ZEB1: variants seen among roughly 807,000 people sequenced by gnomAD.
ZEB1 encodes the protein zinc finger E-box-binding homeobox 1.
In ZEB1, 21 loss-of-function variants were observed where a neutral mutation model predicts 84.9. The ratio of observed to expected loss-of-function variants is 0.25; its 90% CI spans 0.18 to 0.36. The LOEUF (loss-of-function observed/expected upper bound fraction) is 0.36. ZEB1 is among the 10% of genes least tolerant of loss of function. The probability of loss-of-function intolerance (pLI) is 1.00; values close to 1 mark genes in which losing one functional copy is unlikely to be tolerated. For missense variants in ZEB1, 1,104 were observed against 1,330.2 expected (o/e 0.83, Z 2.65); for synonymous variants, 420 against 471.1 (o/e 0.89, Z 1.41).
At chr10:31,344,786 T>G (rs1433459379) in intron 1 of ZEB1, among the ~76,000 whole-genome samples, 5 of 152,146 alleles carry the variant, frequency 3.3e-5, no homozygotes, top group Admixed American at 3.3e-4. Context: ...ACATTTTAAC[T>G]TGTTCTGGGT....
chr10:31,433,244 C>T (rs908617398), intron 1 of ZEB1, among the ~76,000 whole-genome samples: 5 of 152,196 alleles, frequency 3.3e-5, no homozygotes, highest in African/African-American at 1.2e-4. Context: ...AATGTTGACA[C>T]ATTCCATTTT....
chr10:31,439,333 G>T (rs2058640879), intron 1 of ZEB1, among the ~76,000 whole-genome samples: 1 of 152,056 alleles, frequency 6.6e-6, no homozygotes, highest in Non-Finnish European at 1.5e-5. Context: ...GTGTTAATTT[G>T]CACGGTGCCA....
chr10:31,476,520 G>T (rs77274492), intron 2 of ZEB1, among the ~76,000 whole-genome samples: 2,296 of 152,038 alleles, frequency 0.015, 44 homozygotes, highest in African/African-American at 0.052. Flanking sequence ...TTACAGGACA[G>T]TTTTGCCTTA....
chr10:31,400,029 G>C (rs2051634130), intron 1 of ZEB1, among the ~76,000 whole-genome samples: 1 of 152,098 alleles, frequency 6.6e-6, no homozygotes, highest in Admixed American at 6.5e-5. Flanking sequence ...GCTTTCTTTA[G>C]CCACTTGATC....
At chr10:31,327,173 C>G (rs549576867) in intron 1 of ZEB1, among the ~76,000 whole-genome samples, 1 of 141,320 alleles carries the variant, frequency 7.1e-6, no homozygotes, top group Non-Finnish European at 1.5e-5. Context: ...TGTAAAGGCG[C>G]GATATCAGCT....
intron 1 of ZEB1, among the ~76,000 whole-genome samples, chr10:31,449,966 A>G (rs1007906547): frequency 6.6e-6 from 1 of 152,228 alleles, no homozygotes; most frequent in African/African-American, 2.4e-5. Context: ...AATATATAAC[A>G]TGCTCAAGGT....
At chr10:31,341,071 A>C (rs1383025807) in intron 1 of ZEB1, among the ~76,000 whole-genome samples, 1 of 152,130 alleles carries the variant, frequency 6.6e-6, no homozygotes, top group African/African-American at 2.4e-5. Context: ...TAGGAGCTTG[A>C]ACTTCATCTT....
In ZEB1 at chr10:31,323,668, A is replaced by G. The variant is rs148187581; in HGVS notation, c.58+4376A>G. 5.6e-3 allele frequency among the ~76,000 whole-genome samples: 847 copies of G among 152,198 alleles called. 13 individuals carry two copies. Among genetic ancestry groups the G allele is most frequent in the African/African-American group, 0.02 (812 of 41,542 alleles). The stretch of plus-strand genomic sequence containing the variant: ...GTTGCTGTATGCTTGTATTTAAATA[A>G]TTCCTTTCAAGAAACTATATAAATT... On this transcript the variant is annotated intron_variant, in intron 1 of 8. Transcript: ENST00000424869.
At chr10:31,327,261 C>G (rs1222159954) in intron 1 of ZEB1, among the ~76,000 whole-genome samples, 1 of 151,890 alleles carries the variant, frequency 6.6e-6, no homozygotes, top group Non-Finnish European at 1.5e-5. Flanking sequence ...CAGGCACACA[C>G]CGCCATGCCT....
chr10:31,385,262 T>A (rs937951285), intron 1 of ZEB1, among the ~76,000 whole-genome samples: 2 of 152,196 alleles, frequency 1.3e-5, no homozygotes, highest in Non-Finnish European at 2.9e-5. Flanking sequence ...GTTTTGACCA[T>A]ACAGCAAATG....
intron 1 of ZEB1, among the ~76,000 whole-genome samples, chr10:31,342,054 T>A (rs1056128790): frequency 2.6e-5 from 4 of 152,202 alleles, no homozygotes; most frequent in African/African-American, 9.6e-5. Context: ...ATTCTTTACG[T>A]ATATTAACTC....
chr10:31,349,609 C>T (rs1057416384), intron 1 of ZEB1, among the ~76,000 whole-genome samples: 2 of 152,130 alleles, frequency 1.3e-5, no homozygotes, highest in Non-Finnish European at 2.9e-5. Context: ...TGATAATCAC[C>T]ATTCTAACAG....
intron 1 of ZEB1, among the ~76,000 whole-genome samples, chr10:31,349,610 A>G (rs1188082833): frequency 2.0e-5 from 3 of 152,084 alleles, no homozygotes; most frequent in Non-Finnish European, 4.4e-5. Flanking sequence ...GATAATCACC[A>G]TTCTAACAGG....
intron 2 of ZEB1, among the ~76,000 whole-genome samples, chr10:31,484,608 G>T (rs774894703): frequency 3.3e-5 from 5 of 151,968 alleles, no homozygotes; most frequent in African/African-American, 4.8e-5. Flanking sequence ...TCACTCAGAT[G>T]ATTCAGGACT....
intron 1 of ZEB1, among the ~76,000 whole-genome samples, chr10:31,396,058 C>A (rs2050663875): frequency 6.6e-6 from 1 of 152,184 alleles, no homozygotes; most frequent in Non-Finnish European, 1.5e-5. Flanking sequence ...ATTAAATGCT[C>A]AATTTCATTT....
intron 2 of ZEB1, among the ~76,000 whole-genome samples, chr10:31,492,368 C>T (rs1032481809): frequency 6.6e-6 from 1 of 151,636 alleles, no homozygotes; most frequent in Admixed American, 6.6e-5. Flanking sequence ...ATGATTTTGC[C>T]CAATTGTAGG....
At chr10:31,425,897 G>C (rs1023785713) in intron 1 of ZEB1, among the ~76,000 whole-genome samples, 1 of 152,134 alleles carries the variant, frequency 6.6e-6, no homozygotes, top group African/African-American at 2.4e-5. Flanking sequence ...GAAAGTATCA[G>C]TTGTATATGC....
chr10:31,401,015 T>C (rs965368518), intron 1 of ZEB1, among the ~76,000 whole-genome samples: 1 of 152,206 alleles, frequency 6.6e-6, no homozygotes, highest in African/African-American at 2.4e-5. Flanking sequence ...TAAATTGTTT[T>C]CTTCCTGTTG....
intron 1 of ZEB1, among the ~76,000 whole-genome samples, chr10:31,439,141 A>G (rs571557480): frequency 5.4e-4 from 82 of 152,300 alleles, no homozygotes; most frequent in Non-Finnish European, 9.9e-4. Flanking sequence ...ATTGATGTTA[A>G]GGCACATGTA....
Sources: allele counts gnomAD v4.1 joint callset (sites outside exome capture counted in the v4.1 genomes callset), GRCh38; gene constraint gnomAD v4.1.1; transcripts MANE v1.5; gene names NCBI Gene and HGNC (gene_info 2026-07-23, HGNC 2026-07-21).